Variants in CFAP74 observed in about 807,000 individuals in gnomAD.
CFAP74 encodes cilia- and flagella-associated protein 74.
Under a neutral mutation model 188.9 loss-of-function variants are expected in CFAP74, and 124 were observed. The observed-to-expected ratio is 0.66, with a 90% CI of 0.57 to 0.76. CFAP74 has a LOEUF of 0.76. Among genes scored for constraint, CFAP74 ranks in the 30% least tolerant of loss-of-function variants. The pLI is 0.00. For synonymous variants in CFAP74, 956 were observed against 916.7 expected (o/e 1.04, Z -0.77); for missense variants, 2,198 against 2,165.2 (o/e 1.02, Z -0.30).
In CFAP74 at chr1:1,925,944, G is replaced by A; in HGVS notation, c.3949-6C>T. ...ATGTCCAGTGTTTCTTGAGCCTAAA[G>A]AGACCACATCGCTCAGCCAGGAACC... is the stretch of plus-strand genomic sequence containing the variant. On this transcript the variant is annotated splice_polypyrimidine_tract_variant and splice_region_variant and intron_variant, in intron 32 of 38. Transcript: ENST00000682832. The A allele has an allele frequency of 6.3e-7, 1 of 1,598,872 alleles. No individual in the cohort carries two copies. Among genetic ancestry groups the A allele is most frequent in the Non-Finnish European group, 8.5e-7 (1 of 1,173,096 alleles).
intron 2 of CFAP74, among the ~76,000 whole-genome samples, chr1:1,989,845 G>C (rs976595455): frequency 6.6e-6 from 1 of 152,214 alleles, no homozygotes; most frequent in African/African-American, 2.4e-5. Context: ...AGTCTAACTT[G>C]ATGGTTCTCA....
Position 1,922,250 on chromosome 1 carries a change from G to A in CFAP74, c.*37C>T. On this transcript the variant is annotated 3_prime_UTR_variant, in exon 39 of 39. Transcript: ENST00000682832. ...CCTCAGCCTGGGGAGGGCTTTGAGGGTGGACAGGAGGGCCCGAGGGTGCTC... is the reference window on the plus strand; with the variant it reads ...CCTCAGCCTGGGGAGGGCTTTGAGGATGGACAGGAGGGCCCGAGGGTGCTC... 6.6e-7 allele frequency: 1 copy of A among 1,522,946 alleles called. No individual in the cohort carries two copies. The highest frequency in any genetic ancestry group is 9.1e-7 in the Non-Finnish European group (1 of 1,103,028). 94.3% of individuals were successfully genotyped at this position (1,522,946 alleles called of 1,614,324 possible). A position where few individuals can be genotyped will look rare whatever the true frequency, so the allele number is the denominator to read the frequency against.
chr1:1,974,113 GC>G lies in CFAP74; in HGVS notation c.585del (p.Arg196GlyfsTer27), dbSNP rs1346145427. The G allele has an allele frequency of 1.2e-6, 2 of 1,612,426 alleles. No individual in the cohort carries two copies. On this transcript the variant is annotated frameshift_variant, in exon 7 of 39. Transcript: ENST00000682832. LOFTEE classifies it high-confidence loss of function. ...TADREEVEAT[G>X]RRLQVRAAEQ... ...TCGGCTGCGCGCACCTGGAGCCGCC[GC>G]CCCGTGGCCTCCACCTCCTCACGGT...
chr1:1,925,689 C>T (rs1438317749), intron 33 of CFAP74, 94 bp downstream of exon 33: 3 of 1,422,970 alleles, frequency 2.1e-6, no homozygotes, highest in Non-Finnish European at 2.9e-6. Flanking sequence ...GCTCTCCGAC[C>T]CACGGGTCAC....
intron 15 of CFAP74, 64 bp downstream of exon 15, chr1:1,959,900 C>A: frequency 7.1e-7 from 1 of 1,409,912 alleles, no homozygotes; most frequent in Non-Finnish European, 9.6e-7. Flanking sequence ...CGCCACCATG[C>A]CCGATCACAG....
chr1:1,962,876 A>G (rs1655190194), intron 14 of CFAP74, among the ~76,000 whole-genome samples: 1 of 152,218 alleles, frequency 6.6e-6, no homozygotes, highest in Non-Finnish European at 1.5e-5. Flanking sequence ...GTGACAGAGC[A>G]AGACCCTGTC....
At chr1:2,002,571 G>A (rs533827945) in intron 1 of CFAP74, among the ~76,000 whole-genome samples, 1 of 151,214 alleles carries the variant, frequency 6.6e-6, no homozygotes, top group South Asian at 2.1e-4. Context: ...TTGGGAGGCT[G>A]AGGCAGGAGA....
At chr1:1,925,345 G>A (rs1324965577) in intron 33 of CFAP74, among the ~76,000 whole-genome samples, 5 of 151,952 alleles carry the variant, frequency 3.3e-5, no homozygotes, top group Non-Finnish European at 7.4e-5. Flanking sequence ...CTGGTGTGAA[G>A]GCATGAGAGC....
At chr1:1,949,034 C>T (rs1243087373) in intron 18 of CFAP74, among the ~76,000 whole-genome samples, 2 of 128,082 alleles carry the variant, frequency 1.6e-5, no homozygotes, top group African/African-American at 3.2e-5. Context: ...TTCTCTCCCT[C>T]CCTCCTTCCT....
At chr1:1,924,362 TCAC>T in intron 34 of CFAP74, 26 bp downstream of exon 34, 3 of 80,842 alleles carry the variant, frequency 3.7e-5, no homozygotes, top group Non-Finnish European at 3.8e-5. Context: ...CCCCCGCAGC[TCAC>T]CACCCACCCC....
rs72634901 is a variant in CFAP74, at chr1:1,968,134, A to G, written c.1245+501T>C. Among the ~76,000 whole-genome samples the G allele has an allele frequency of 1.1e-5, 1 of 93,554 alleles. No individual in the cohort carries two copies. Among genetic ancestry groups the G allele is most frequent in the Non-Finnish European group, 2.6e-5 (1 of 38,588 alleles). The allele number at this position is 93,554 out of a possible 152,430, so 61.4% of individuals were successfully genotyped here. A position where few individuals can be genotyped will look rare whatever the true frequency, so the allele number is the denominator to read the frequency against. ...GAATGAATGAAGAATGAGTGAGTGA[A>G]TGAATGAAGAAAGAATGAGTGAGTG... On this transcript the variant is annotated intron_variant, in intron 11 of 38. Transcript: ENST00000682832. This position sits in a 1 kb window ranked among gnomAD's most constrained non-coding sequence, Gnocchi z 4.3.
chr1:1,923,654 G>C lies in CFAP74; in HGVS notation c.4389+121C>G. ...CTTTCCACTGACGGCCCTCAGTGTGGTGCTGAGTCCCCCAGCCATGGTACC... is the reference window on the plus strand; with the variant it reads ...CTTTCCACTGACGGCCCTCAGTGTGCTGCTGAGTCCCCCAGCCATGGTACC... On this transcript the variant is annotated intron_variant, in intron 35 of 38. Coordinates refer to ENST00000682832, the MANE Select transcript of CFAP74 (RefSeq NM_001304360.2). This position sits in a 1 kb window ranked among gnomAD's most constrained non-coding sequence, Gnocchi z 6.3. 1 of 1,540,520 alleles carries C rather than the reference G, an allele frequency of 6.5e-7. No individual in the cohort carries two copies. Among genetic ancestry groups the C allele is most frequent in the Non-Finnish European group, 8.9e-7 (1 of 1,124,624 alleles).
rs760156682 is a variant in CFAP74 at position 1,926,879 on chromosome 1, C to T, written c.3662+15G>A. On this transcript the variant is annotated intron_variant, in intron 29 of 38. Coordinates refer to ENST00000682832, the MANE Select transcript of CFAP74 (RefSeq NM_001304360.2). ...GCGGCTGACCACACCCTGTTCTGGCCAGAGCACCCCGCACCTGAAGCTCAG... is the reference window on the plus strand; with the variant it reads ...GCGGCTGACCACACCCTGTTCTGGCTAGAGCACCCCGCACCTGAAGCTCAG... 3.7e-5 allele frequency: 57 copies of T among 1,549,804 alleles called. 2 individuals are homozygous for T. The South Asian group carries it at 5.1e-4, about 14-fold the overall frequency.
rs1558022221 is a variant in CFAP74 at position 1,955,391 on chromosome 1, GC to G, written c.2176+299del. ...CCCCGCAGCCCGGCCCCTCCAGGGG[GC>G]ACCGCAGAGCCTCTTCCCCGCCCTG... is the stretch of plus-strand genomic sequence containing the variant. On this transcript the variant is annotated intron_variant, in intron 18 of 38. Coordinates refer to ENST00000682832, the MANE Select transcript of CFAP74 (RefSeq NM_001304360.2). 3 of 1,389,742 alleles carry G rather than the reference GC, an allele frequency of 2.2e-6. No homozygotes were observed. In the African/African-American group the frequency reaches 4.3e-5, roughly 20 times the overall value. 86.1% of individuals were successfully genotyped at this position (1,389,742 alleles called of 1,614,324 possible). A position where few individuals can be genotyped will look rare whatever the true frequency, so the allele number is the denominator to read the frequency against.
intron 12 of CFAP74, among the ~76,000 whole-genome samples, 157 bp downstream of exon 12, chr1:1,966,214 G>A (rs1478866455): frequency 6.6e-6 from 1 of 152,190 alleles, no homozygotes; most frequent in African/African-American, 2.4e-5. Context: ...GGAGGCGGGG[G>A]GCGTCCACAC....
intron 2 of CFAP74, among the ~76,000 whole-genome samples, chr1:1,990,354 C>T (rs373469190): frequency 4.2e-4 from 60 of 141,402 alleles, no homozygotes; most frequent in South Asian, 4.4e-4. Flanking sequence ...CAGAAAGCCA[C>T]AGTCACAAGG....
chr1:1,942,844 G>T lies in CFAP74; in HGVS notation c.2487-688C>A, dbSNP rs529818853. On this transcript the variant is annotated intron_variant, in intron 21 of 38. Coordinates refer to ENST00000682832, the MANE Select transcript of CFAP74 (RefSeq NM_001304360.2). This position sits in a 1 kb window ranked among gnomAD's most constrained non-coding sequence, Gnocchi z 4.3. ...GCCACAGCTGCCCCGGGCAATCCAC[G>T]AGGGGGGACCCAGAGGGTGTGGCAG... Among the ~76,000 whole-genome samples, 2 of 152,126 alleles carry T rather than the reference G, an allele frequency of 1.3e-5. No homozygotes were observed. Among genetic ancestry groups the T allele is most frequent in the African/African-American group, 2.4e-5 (1 of 41,430 alleles).
chr1:1,962,966 G>A (rs2102068500), intron 14 of CFAP74, among the ~76,000 whole-genome samples: 1 of 152,314 alleles, frequency 6.6e-6, no homozygotes, highest in Non-Finnish European at 1.5e-5. Context: ...AGACCAGCAA[G>A]GAGGATCCAA....
In CFAP74 at chr1:1,923,864, C is replaced by A; in HGVS notation, c.4300G>T (p.Gly1434Trp). Reference sequence around the variant, plus strand: ...GTGACAGTGAAGTCTTGTGTCTTCCCGGGGTCCATGACGCCCTTGACGGGG... The same window carrying A: ...GTGACAGTGAAGTCTTGTGTCTTCCAGGGGTCCATGACGCCCTTGACGGGG... ...VAPVKGVMDP[G>W]KTQDFTVTFS... The change falls in exon 35 of 39, where the codon GGG becomes TGG. Residue 1434 changes from glycine (G) to tryptophan (W), a missense_variant. Transcript: ENST00000682832. This position sits in a 1 kb window ranked among gnomAD's most constrained non-coding sequence, Gnocchi z 6.3. The A allele has an allele frequency of 6.2e-7, 1 of 1,613,248 alleles. No homozygotes were observed. Among genetic ancestry groups the A allele is most frequent in the Non-Finnish European group, 8.5e-7 (1 of 1,179,766 alleles).
Sources: gnomAD v4.1 joint callset for allele counts (sites outside exome capture counted in the v4.1 genomes callset) on GRCh38, gnomAD v4.1.1 for gene constraint, Gnocchi (gnomAD v3.1) non-coding constraint, MANE v1.5 for transcripts, NCBI Gene and HGNC (gene_info 2026-07-23, HGNC 2026-07-21) for gene names.